The following ADAM9 variants were observed in gnomAD, a reference collection of about 807,000 sequenced individuals.
The protein encoded by ADAM9 is disintegrin and metalloproteinase domain-containing protein 9.
ADAM9 carries 54 observed loss-of-function variants against 108.1 expected under a neutral mutation model. The observed-to-expected ratio is 0.50, with a 90% confidence interval of 0.40 to 0.63. The LOEUF is 0.63. Ranked by LOEUF, ADAM9 falls within the 20% of genes least tolerant of loss-of-function variation. ADAM9 has a pLI of 0.00. For synonymous variants in ADAM9, 316 were observed against 336.0 expected (o/e 0.94, Z 0.65); for missense variants, 830 against 997.7 (o/e 0.83, Z 2.26).
chr8:39,073,534 T>C (rs770247238), intron 15 of ADAM9, among the ~76,000 whole-genome samples: 2 of 152,210 alleles, frequency 1.3e-5, no homozygotes, highest in Non-Finnish European at 2.9e-5. Context: ...ACACATTTTA[T>C]CTTGCATTTA....
At position 39,045,609 on chromosome 8, in the gene ADAM9, C is replaced by T. The variant is rs73602736; in HGVS notation, c.1302+3492C>T. ...ATATAAAAGATTTTTCTCATCCAGT[C>T]GACTGTTGATGGACACTTACATTAG... On this transcript the variant is annotated intron_variant, in intron 12 of 21. Transcript: ENST00000487273. Among the ~76,000 whole-genome samples the T allele has an allele frequency of 6.8e-3, 1,013 of 149,902 alleles. 17 individuals carry two copies. Among genetic ancestry groups the T allele is most frequent in the African/African-American group, 0.024 (955 of 39,852 alleles).
intron 10 of ADAM9, 101 bp from the exon 11 acceptor site, chr8:39,026,576 C>A: frequency 2.1e-6 from 3 of 1,429,364 alleles, no homozygotes; most frequent in Admixed American, 3.4e-5. Context: ...AGGCTGTCAA[C>A]AGTGTAGTGA....
At position 39,021,540 on chromosome 8, in the gene ADAM9, T is replaced by G. The variant is rs1588343329; in HGVS notation, c.673-103T>G. ...CTCAGGTGATCTACCCGCCTGGGCCTCTCAAAATGCTAGAATTACAGGCAT... is the reference window on the plus strand; with the variant it reads ...CTCAGGTGATCTACCCGCCTGGGCCGCTCAAAATGCTAGAATTACAGGCAT... On this transcript the variant is annotated intron_variant, in intron 7 of 21. Transcript: ENST00000487273. The G allele has an allele frequency of 4.1e-5, 43 of 1,048,284 alleles. 2 individuals carry two copies. In the South Asian group the frequency reaches 4.7e-4, roughly 11 times the overall value. 64.9% of individuals were successfully genotyped at this position (1,048,284 alleles called of 1,614,324 possible).
intron 12 of ADAM9, among the ~76,000 whole-genome samples, chr8:39,048,998 GTTT>G (rs34077661): frequency 1.5e-3 from 183 of 121,454 alleles, no homozygotes; most frequent in African/African-American, 5.1e-3. Flanking sequence ...ATAGCATATA[GTTT>G]TTTTTTTTTT....
At chr8:39,009,911 G>GGA (rs138490995) in intron 2 of ADAM9, among the ~76,000 whole-genome samples, 49,881 of 84,462 alleles carry the variant, frequency 0.59, 15,493 homozygotes, top group East Asian at 0.84. Context: ...GGGGGGGCAG[G>GGA]GAGAGAGAGA....
intron 14 of ADAM9, among the ~76,000 whole-genome samples, chr8:39,059,852 G>T (rs943432851): frequency 6.6e-6 from 1 of 152,196 alleles, no homozygotes; most frequent in African/African-American, 2.4e-5. Context: ...TCACCTGATG[G>T]GTAGGAAGTT....
At chr8:39,049,120 T>C (rs1442484178) in intron 12 of ADAM9, among the ~76,000 whole-genome samples, 1 of 152,038 alleles carries the variant, frequency 6.6e-6, no homozygotes, top group Non-Finnish European at 1.5e-5. Flanking sequence ...TTAAATGTTT[T>C]TTGTTTGTCT....
chr8:39,006,066 C>T lies in ADAM9; in HGVS notation c.98-1820C>T, dbSNP rs562530983. On this transcript the variant is annotated intron_variant, in intron 1 of 21. Transcript: ENST00000487273. ...TGTAGATAGTGACAGTCTTTATTTA[C>T]AACAGATCAGGAACCTCGTACAGGG... Among the ~76,000 whole-genome samples the T allele has an allele frequency of 5.3e-5, 8 of 152,286 alleles. No individual in the cohort carries two copies. In the South Asian group the frequency reaches 1.4e-3, roughly 28 times the overall value.
intron 18 of ADAM9, among the ~76,000 whole-genome samples, chr8:39,085,207 T>C (rs1209343509): frequency 6.6e-6 from 1 of 152,160 alleles, no homozygotes; most frequent in African/African-American, 2.4e-5. Context: ...AAATTTACTG[T>C]CTTGATATTT....
At chr8:39,075,629 CTT>C (rs1204221752) in intron 15 of ADAM9, among the ~76,000 whole-genome samples, 1 of 152,184 alleles carries the variant, frequency 6.6e-6, no homozygotes, top group Non-Finnish European at 1.5e-5. Context: ...TTTTCTTTGT[CTT>C]AATGATTTGT....
chr8:39,083,591 G>T (rs761207539), intron 18 of ADAM9, among the ~76,000 whole-genome samples: 1 of 152,082 alleles, frequency 6.6e-6, no homozygotes, highest in Non-Finnish European at 1.5e-5. Context: ...TTTTCACATT[G>T]TTGGCCCTTG....
chr8:39,069,044 C>G lies in ADAM9; in HGVS notation c.1592-2254C>G, dbSNP rs933345488. 2.0e-5 allele frequency among the ~76,000 whole-genome samples: 3 copies of G among 152,248 alleles called. No individual in the cohort carries two copies. In the East Asian group the frequency reaches 5.8e-4, roughly 29 times the overall value. ...ACCTGCCCCTCCTTATTCTCTATAGCCAGAGGTACCTATTACTACCAGTTT... is the reference window on the plus strand; with the variant it reads ...ACCTGCCCCTCCTTATTCTCTATAGGCAGAGGTACCTATTACTACCAGTTT... On this transcript the variant is annotated intron_variant, in intron 14 of 21. Transcript: ENST00000487273.
rs777831234 is a variant in ADAM9 at position 39,090,156 on chromosome 8, C to T, written c.2178C>T (p.Ser726=). ...TCAAGAGGGATCAACTGTGGAGAAG[C>T]TACTTCAGAAAGAAGAGATCACAAA... ...IFIKRDQLWR[S]YFRKKRSQTY... The change falls in exon 19 of 22, where the codon AGC becomes AGT. Residue 726 remains serine, a synonymous_variant. Coordinates refer to ENST00000487273, the MANE Select transcript of ADAM9 (RefSeq NM_003816.3). 6 of 1,613,668 alleles carry T rather than the reference C, an allele frequency of 3.7e-6. No individual in the cohort carries two copies. The highest frequency in any genetic ancestry group is 1.1e-5 in the South Asian group (1 of 91,062).
intron 15 of ADAM9, 59 bp downstream of exon 15, chr8:39,071,462 T>TAA: frequency 8.9e-7 from 1 of 1,126,920 alleles, no homozygotes; most frequent in Non-Finnish European, 1.2e-6. Flanking sequence ...TCATCTCTAG[T>TAA]ATCTTTTTTT....
chr8:39,016,251 C>A (rs1282059873), intron 5 of ADAM9, 57 bp downstream of exon 5: 1 of 1,441,176 alleles, frequency 6.9e-7, no homozygotes, highest in Non-Finnish European at 9.8e-7. Context: ...TACCCTCTTT[C>A]CTGTTTCTGT....
chr8:39,014,436 G>A (rs1203499444), intron 4 of ADAM9: 7 of 625,092 alleles, frequency 1.1e-5, no homozygotes, highest in Non-Finnish European at 2.0e-5. Context: ...ACACTCATTT[G>A]ATGTTATGTG....
At chr8:39,019,004 G>A (rs1324882483) in intron 7 of ADAM9, 86 bp downstream of exon 7, 1 of 1,259,490 alleles carries the variant, frequency 7.9e-7, no homozygotes, top group African/African-American at 1.5e-5. Context: ...ACTACACATT[G>A]TTTGTATTGA....
rs1046603943 is a variant in ADAM9 at position 39,046,075 on chromosome 8, A to G, written c.1302+3958A>G. Among the ~76,000 whole-genome samples, 7 of 152,112 alleles carry G rather than the reference A, an allele frequency of 4.6e-5. No homozygotes were observed. In the East Asian group the frequency reaches 1.2e-3, roughly 25 times the overall value. On this transcript the variant is annotated intron_variant, in intron 12 of 21. Transcript: ENST00000487273. ...TCACTTTGGGTAATATGGACAATTTACCAATTTTAATTATTCCAATCCATG... is the reference window on the plus strand; with the variant it reads ...TCACTTTGGGTAATATGGACAATTTGCCAATTTTAATTATTCCAATCCATG...
intron 11 of ADAM9, among the ~76,000 whole-genome samples, 190 bp from the exon 12 acceptor site, chr8:39,041,753 AATT>A (rs1446231395): frequency 2.6e-5 from 4 of 152,202 alleles, no homozygotes; most frequent in African/African-American, 7.2e-5. Context: ...AAGAAAAGTG[AATT>A]ATTATATAGT....
Sources: allele counts gnomAD v4.1 joint callset (sites outside exome capture counted in the v4.1 genomes callset), GRCh38; gene constraint gnomAD v4.1.1; transcripts MANE v1.5; gene names NCBI Gene and HGNC (gene_info 2026-07-23, HGNC 2026-07-21).